SNX18: variants seen among roughly 807,000 people sequenced by gnomAD.
SNX18 encodes sorting nexin-18.
In SNX18, 35 loss-of-function variants were observed where a neutral mutation model predicts 48.7. The ratio of observed to expected loss-of-function variants is 0.72; its 90% CI spans 0.55 to 0.95. The LOEUF (loss-of-function observed/expected upper bound fraction) is 0.95, where lower values mean the gene tolerates loss of function less well. Ranked by LOEUF, SNX18 falls within the 40% of genes least tolerant of loss-of-function variation. The probability of loss-of-function intolerance (pLI) is 0.00; values close to 1 mark genes in which losing one functional copy is unlikely to be tolerated. For synonymous variants in SNX18, 492 were observed against 384.7 expected, an observed-to-expected ratio of 1.28 and a Z score of -3.26; for missense variants, 824 against 871.0, an observed-to-expected ratio of 0.95 and a Z score of 0.68.
chr5:54,620,877 T>A, the SNX18 span, among the ~76,000 whole-genome samples: 4 of 152,292 alleles, frequency 2.6e-5, no homozygotes, highest in African/African-American at 9.6e-5. Flanking sequence ...GCATTGCTGG[T>A]GTCTCTTCTT....
At chr5:54,638,744 C>T in the SNX18 span, among the ~76,000 whole-genome samples, 1 of 152,056 alleles carries the variant, frequency 6.6e-6, no homozygotes, top group Admixed American at 6.6e-5. Flanking sequence ...TTATTATCTA[C>T]CTGTATAGAT....
At chr5:54,586,356 T>C in the SNX18 span, among the ~76,000 whole-genome samples, 2 of 151,982 alleles carry the variant, frequency 1.3e-5, no homozygotes, top group Non-Finnish European at 2.9e-5. Flanking sequence ...CGTGGGGAAA[T>C]GAGGGACAGA....
chr5:54,588,676 C>T, the SNX18 span, among the ~76,000 whole-genome samples: 1 of 152,146 alleles, frequency 6.6e-6, no homozygotes, highest in African/African-American at 2.4e-5. Context: ...GGGATGCGTG[C>T]ACCTGTTGAG....
downstream of SNX18, among the ~76,000 whole-genome samples, chr5:54,546,996 A>AG (rs1274436473): frequency 6.6e-6 from 1 of 152,258 alleles, no homozygotes; most frequent in Non-Finnish European, 1.5e-5. Context: ...ATATCTTGCA[A>AG]GGGGCCAAAG....
At chr5:54,528,051 A>G (rs1481086403) in intron 1 of SNX18, among the ~76,000 whole-genome samples, 3 of 152,126 alleles carry the variant, frequency 2.0e-5, no homozygotes, top group Admixed American at 6.5e-5. Flanking sequence ...GAAAATGCTT[A>G]AAGTGCCAGA....
chr5:54,629,438 G>A, the SNX18 span, among the ~76,000 whole-genome samples: 13,005 of 152,234 alleles, frequency 0.085, 634 homozygotes, highest in African/African-American at 0.13. Context: ...TCAGATTCTG[G>A]TATTGTTTGT....
In SNX18 at chr5:54,530,744, ATTTTTTTTT is replaced by A. The variant is rs70986692; in HGVS notation, c.1621+11189_1621+11197del. On this transcript the variant is annotated intron_variant, in intron 1 of 1. Transcript: ENST00000381410. Reference sequence around the variant, plus strand: ...TGCAGACAGGAGCTGAACCACAGAAATTTTTTTTTTTTTTTTTTTTTTTTTTGAGACAGT... The same window carrying A: ...TGCAGACAGGAGCTGAACCACAGAAATTTTTTTTTTTTTTTTTGAGACAGT... 1.8e-4 allele frequency among the ~76,000 whole-genome samples: 13 copies of A among 72,510 alleles called. No individual in the cohort carries two copies. The South Asian group carries it at 5.8e-3, about 32-fold the overall frequency. 47.6% of individuals were successfully genotyped at this position (72,510 alleles called of 152,430 possible).
At chr5:54,591,294 C>T in the SNX18 span, among the ~76,000 whole-genome samples, 1 of 152,158 alleles carries the variant, frequency 6.6e-6, no homozygotes, top group Admixed American at 6.5e-5. Flanking sequence ...ATCTTCCCAC[C>T]TCAGCCCCCA....
the SNX18 span, among the ~76,000 whole-genome samples, chr5:54,595,620 C>T: frequency 6.6e-6 from 1 of 152,168 alleles, no homozygotes. Flanking sequence ...TATAACATTC[C>T]CTTCTCTCTG....
chr5:54,563,906 T>C, the SNX18 span, among the ~76,000 whole-genome samples: 1 of 152,020 alleles, frequency 6.6e-6, no homozygotes, highest in Non-Finnish European at 1.5e-5. Context: ...AATATATGTA[T>C]ATAATTTTTA....
At chr5:54,526,656 G>A (rs62356912) in intron 1 of SNX18, among the ~76,000 whole-genome samples, 36,708 of 152,018 alleles carry the variant, frequency 0.24, 5,042 homozygotes, top group Non-Finnish European at 0.3. Flanking sequence ...ACCCATCATC[G>A]TCCAGGCACT....
chr5:54,598,177 G>T, the SNX18 span, among the ~76,000 whole-genome samples: 4 of 152,050 alleles, frequency 2.6e-5, no homozygotes, highest in Admixed American at 6.6e-5. Context: ...AGACTGAACT[G>T]GGAAGAAGTT....
Position 54,518,109 on chromosome 5 carries a change from G to A in SNX18, c.157G>A (p.Ala53Thr). The A allele has an allele frequency of 6.6e-7, 1 of 1,510,086 alleles. No homozygotes were observed. Among genetic ancestry groups the A allele is most frequent in the Non-Finnish European group, 8.8e-7 (1 of 1,135,076 alleles). The allele number at this position is 1,510,086 out of a possible 1,614,324, so 93.5% of individuals were successfully genotyped here. The change falls in exon 1 of 2, where the codon GCC becomes ACC. Residue 53 changes from alanine (A) to threonine (T), a missense_variant. Coordinates refer to ENST00000381410, the MANE Select transcript of SNX18 (RefSeq NM_001102575.2). ...NSRGDRGLFPASYVQVIRAPE... is the reference protein window; with the variant it reads ...NSRGDRGLFPTSYVQVIRAPE... Reference sequence around the variant, plus strand: ...CCGCGGCGACCGCGGCCTCTTCCCGGCCTCCTATGTGCAGGTGATCCGCGC... The same window carrying A: ...CCGCGGCGACCGCGGCCTCTTCCCGACCTCCTATGTGCAGGTGATCCGCGC...
the SNX18 span, among the ~76,000 whole-genome samples, chr5:54,592,499 C>T: frequency 1.3e-5 from 2 of 152,170 alleles, no homozygotes; most frequent in Non-Finnish European, 1.5e-5. Context: ...TCTGGACCCA[C>T]GGACACTTTC....
chr5:54,548,771 G>T (rs75664173), downstream of SNX18, among the ~76,000 whole-genome samples: 1 of 152,102 alleles, frequency 6.6e-6, no homozygotes, highest in Non-Finnish European at 1.5e-5. Flanking sequence ...GTCACTTAAC[G>T]TGAGTCAGTT....
the SNX18 span, among the ~76,000 whole-genome samples, chr5:54,631,345 TATC>T: frequency 6.6e-6 from 1 of 152,256 alleles, no homozygotes; most frequent in Non-Finnish European, 1.5e-5. Flanking sequence ...GATAATCAAT[TATC>T]ATAGAGTAAA....
chr5:54,541,176 C>T (rs181244908), intron 1 of SNX18, among the ~76,000 whole-genome samples: 1,934 of 152,066 alleles, frequency 0.013, 15 homozygotes, highest in Non-Finnish European at 0.018. Flanking sequence ...TACAGGTGCC[C>T]GCCACCACGC....
chr5:54,572,525 A>G, the SNX18 span, among the ~76,000 whole-genome samples: 7 of 152,054 alleles, frequency 4.6e-5, no homozygotes, highest in Non-Finnish European at 8.8e-5. Context: ...ATACCAAAGT[A>G]TGCCAAATAC....
rs746594058 is a variant in SNX18, at chr5:54,518,770, C to G, written c.818C>G (p.Pro273Arg). ...GPYGPEWQENPYPFQCTIDDP... is the reference protein window; with the variant it reads ...GPYGPEWQENRYPFQCTIDDP... Reference sequence around the variant, plus strand: ...TATGGCCCCGAGTGGCAGGAGAACCCCTACCCGTTCCAGTGCACCATCGAC... The same window carrying G: ...TATGGCCCCGAGTGGCAGGAGAACCGCTACCCGTTCCAGTGCACCATCGAC... Residue 273 changes from proline to arginine, a missense_variant, in exon 1 of 2, where the codon CCC becomes CGC. Physicochemically the swap from Pro to Arg is moderately radical, Grantham distance 103. This residue lies in a region of SNX18 where 443 missense variants were observed against 503.6 expected (regional missense o/e 0.88). Coordinates refer to ENST00000381410, the MANE Select transcript of SNX18 (RefSeq NM_001102575.2). 6.2e-7 allele frequency: 1 copy of G among 1,606,408 alleles called. No homozygotes were observed. The highest frequency in any genetic ancestry group is 8.5e-7 in the Non-Finnish European group (1 of 1,175,876).
Sources: gnomAD v4.1 joint callset for allele counts (sites outside exome capture counted in the v4.1 genomes callset) on GRCh38, gnomAD v4.1.1 for gene constraint, gnomAD v4.1.1 regional missense constraint, MANE v1.5 for transcripts, NCBI Gene and HGNC (gene_info 2026-07-23, HGNC 2026-07-21) for gene names.